NRXN1: variants seen among roughly 807,000 people sequenced by gnomAD.
The protein encoded by NRXN1 is neurexin-1.
Under a neutral mutation model 150.9 loss-of-function variants are expected in NRXN1, and 39 were observed. The observed-to-expected ratio is 0.26, with a 90% CI of 0.20 to 0.34. The LOEUF (loss-of-function observed/expected upper bound fraction) is 0.34, where lower values mean the gene tolerates loss of function less well. Ranked by LOEUF, NRXN1 falls within the 10% of genes least tolerant of loss-of-function variation. NRXN1 has a pLI of 1.00. For synonymous variants in NRXN1, 924 were observed against 757.0 expected (o/e 1.22, Z -3.62); for missense variants, 1,815 against 1,949.9 (o/e 0.93, Z 1.30).
rs1202743952 is a variant in NRXN1 at position 51,028,131 on chromosome 2, G to C, written c.143C>G (p.Ala48Gly). The part of the protein sequence containing the change: ...GQWTRFPKWN[A>G]CCESEMSFQL... ...GAAGCTCATCTCGCTCTCGCAGCAG[G>C]CGTTCCACTTGGGGAAGCGCGTCCA... The change falls in exon 2 of 23, where the codon GCC (alanine) becomes GGC (glycine). Residue 48 changes from alanine (A) to glycine (G), a missense_variant. Ala to Gly is a moderately conservative substitution (Grantham distance 60). Coordinates refer to ENST00000401669, the MANE Select transcript of NRXN1 (RefSeq NM_001330078.2). 7.7e-6 allele frequency: 12 copies of C among 1,564,332 alleles called. No individual in the cohort carries two copies. The highest frequency in any genetic ancestry group is 1.0e-5 in the Non-Finnish European group (12 of 1,157,694).
chr2:50,547,683 T>G (rs1463818980), intron 9 of NRXN1, among the ~76,000 whole-genome samples: 1 of 152,124 alleles, frequency 6.6e-6, no homozygotes, highest in Non-Finnish European at 1.5e-5. Flanking sequence ...TCCACAGAGG[T>G]TATTTACATT....
chr2:50,223,262 T>C (rs773914597), intron 18 of NRXN1, among the ~76,000 whole-genome samples: 4 of 151,984 alleles, frequency 2.6e-5, no homozygotes, highest in Non-Finnish European at 5.9e-5. Flanking sequence ...ACTAGTTAAA[T>C]ATGGAGTTGA....
intron 5 of NRXN1, among the ~76,000 whole-genome samples, chr2:50,843,010 T>A (rs1170317182): frequency 1.3e-5 from 2 of 152,210 alleles, no homozygotes; most frequent in East Asian, 3.9e-4. Flanking sequence ...TTTACAGATG[T>A]CTGTGGGTAG....
chr2:50,478,107 C>T (rs918136768), intron 15 of NRXN1, among the ~76,000 whole-genome samples: 1 of 152,112 alleles, frequency 6.6e-6, no homozygotes, highest in African/African-American at 2.4e-5. Flanking sequence ...TATCTAGATA[C>T]ACTGAGAGAG....
intron 17 of NRXN1, among the ~76,000 whole-genome samples, chr2:50,419,545 A>G (rs1368938313): frequency 6.6e-6 from 1 of 151,892 alleles, no homozygotes; most frequent in African/African-American, 2.4e-5. Context: ...TTTTTGTCCA[A>G]TTTTCATTAT....
chr2:50,437,819 G>A (rs1007355168), intron 17 of NRXN1, among the ~76,000 whole-genome samples: 2 of 151,954 alleles, frequency 1.3e-5, no homozygotes, highest in Admixed American at 6.6e-5. Flanking sequence ...ATAATGTCTG[G>A]GTGAAATGCT....
At chr2:50,752,931 G>A (rs540178956) in intron 5 of NRXN1, among the ~76,000 whole-genome samples, 1 of 151,902 alleles carries the variant, frequency 6.6e-6, no homozygotes, top group Admixed American at 6.6e-5. Context: ...CAATGTAATA[G>A]TTGATAATTA....
chr2:50,695,987 C>T (rs767619108), intron 5 of NRXN1, among the ~76,000 whole-genome samples: 3 of 151,862 alleles, frequency 2.0e-5, no homozygotes, highest in Admixed American at 6.6e-5. Flanking sequence ...GGATTACAGG[C>T]GCCCACCACC....
chr2:50,797,675 C>T (rs1016213462), intron 5 of NRXN1, among the ~76,000 whole-genome samples: 6 of 152,072 alleles, frequency 3.9e-5, no homozygotes, highest in Non-Finnish European at 5.9e-5. Flanking sequence ...ATTATTCCAG[C>T]GCAATCTCTG....
chr2:50,863,948 G>C lies in NRXN1; in HGVS notation c.832+57921C>G, dbSNP rs527300413. On this transcript the variant is annotated intron_variant, in intron 5 of 22. Transcript: ENST00000401669. ...GATTTAAAAATACAGCACCTCCTCA[G>C]GTTGAAATGCCAAGCTTGAGACTGC... 2.6e-5 allele frequency among the ~76,000 whole-genome samples: 4 copies of C among 152,090 alleles called. No individual in the cohort carries two copies. The South Asian group carries it at 8.3e-4, about 32-fold the overall frequency.
chr2:50,126,079 C>A (rs1256954183), intron 18 of NRXN1, among the ~76,000 whole-genome samples: 1 of 152,028 alleles, frequency 6.6e-6, no homozygotes, highest in South Asian at 2.1e-4. Context: ...GAAATAAAAA[C>A]GTATTTCATC....
chr2:50,553,052 A>G (rs755422405), intron 8 of NRXN1, 27 bp from the exon 9 acceptor site: 1 of 1,482,960 alleles, frequency 6.7e-7, no homozygotes, highest in Non-Finnish European at 9.2e-7. Context: ...GCAGTGAGAA[A>G]CTAGCCTCCA....
chr2:50,089,137 A>G (rs921524144), intron 19 of NRXN1, among the ~76,000 whole-genome samples: 2 of 152,194 alleles, frequency 1.3e-5, no homozygotes, highest in Non-Finnish European at 2.9e-5. Flanking sequence ...CTTTCTCACC[A>G]TAAGTAGTAA....
At chr2:50,799,844 T>A (rs970056269) in intron 5 of NRXN1, among the ~76,000 whole-genome samples, 2 of 152,098 alleles carry the variant, frequency 1.3e-5, no homozygotes, top group Admixed American at 6.6e-5. Context: ...ATACTTGGAT[T>A]CAATTTCCAA....
At chr2:50,863,548 G>A (rs1266450790) in intron 5 of NRXN1, among the ~76,000 whole-genome samples, 2 of 151,670 alleles carry the variant, frequency 1.3e-5, no homozygotes, top group Non-Finnish European at 3.0e-5. Flanking sequence ...GCTTCACCAG[G>A]TATCAGCACA....
chr2:50,827,922 G>GT (rs1670705932), intron 5 of NRXN1, among the ~76,000 whole-genome samples: 1 of 145,866 alleles, frequency 6.9e-6, no homozygotes, highest in Admixed American at 6.9e-5. Context: ...AGGTTTGGGG[G>GT]TAAGGTCACA....
chr2:50,932,641 G>T (rs997002956), intron 2 of NRXN1, among the ~76,000 whole-genome samples: 1 of 151,894 alleles, frequency 6.6e-6, no homozygotes, highest in South Asian at 2.1e-4. Context: ...ACACTGCTCG[G>T]GTGATGGGTG....
intron 18 of NRXN1, among the ~76,000 whole-genome samples, chr2:50,121,112 C>T (rs1423037640): frequency 6.6e-6 from 1 of 152,208 alleles, no homozygotes; most frequent in African/African-American, 2.4e-5. Context: ...GCAACCTCTG[C>T]CTCCGGGTTC....
intron 9 of NRXN1, 56 bp downstream of exon 9, chr2:50,552,531 C>CA (rs1667683325): frequency 2.2e-6 from 3 of 1,339,290 alleles, no homozygotes; most frequent in South Asian, 2.5e-5. Flanking sequence ...TTAGGAATGG[C>CA]ATGGGTGGGT....
Sources: gnomAD v4.1 joint callset for allele counts (sites outside exome capture counted in the v4.1 genomes callset) on GRCh38, gnomAD v4.1.1 for gene constraint, MANE v1.5 for transcripts, NCBI Gene and HGNC (gene_info 2026-07-23, HGNC 2026-07-21) for gene names.